The following COL22A1 variants were observed in gnomAD, a reference collection of about 807,000 sequenced individuals.
COL22A1 encodes collagen type XXII alpha 1 chain, also known as collagen alpha-1(XXII) chain.
Under a neutral mutation model 248.9 loss-of-function variants are expected in COL22A1, and 221 were observed. That is an observed-to-expected ratio of 0.89 (90% CI 0.80 to 0.99). The LOEUF (loss-of-function observed/expected upper bound fraction) is 0.99, where lower values mean the gene tolerates loss of function less well. Ranked by LOEUF, COL22A1 falls within the 50% of genes least tolerant of loss-of-function variation. The probability of loss-of-function intolerance (pLI) is 0.00; values close to 1 mark genes in which losing one functional copy is unlikely to be tolerated. For missense variants in COL22A1, 2,240 were observed against 2,179.0 expected, an observed-to-expected ratio of 1.03 and a Z score of -0.56; for synonymous variants, 891 against 793.4, an observed-to-expected ratio of 1.12 and a Z score of -2.07.
At position 138,736,663 on chromosome 8, in the gene COL22A1, C is replaced by A. The variant is rs374127985; in HGVS notation, c.2139+861G>T. ...CTGTGGAAGCAGAGCCAAGTATGGC[C>A]TGTGGGAGTTGGGCCAAGTATGAGG... On this transcript the variant is annotated intron_variant, in intron 23 of 64. Transcript: ENST00000303045. 3.3e-5 allele frequency among the ~76,000 whole-genome samples: 5 copies of A among 152,178 alleles called. No individual in the cohort carries two copies. The East Asian group carries it at 7.8e-4, about 24-fold the overall frequency.
At chr8:138,870,201 A>C (rs968904631) in intron 3 of COL22A1, among the ~76,000 whole-genome samples, 2 of 150,642 alleles carry the variant, frequency 1.3e-5, no homozygotes, top group Non-Finnish European at 3.0e-5. Context: ...TGGTGTGTGG[A>C]GCTGTGTACA....
At chr8:138,691,343 G>A (rs1270859998) in intron 35 of COL22A1, among the ~76,000 whole-genome samples, 1 of 150,700 alleles carries the variant, frequency 6.6e-6, no homozygotes. Context: ...GTGCATGCGT[G>A]TGTGCACGTT....
At chr8:138,733,712 A>C (rs530482298) in intron 23 of COL22A1, among the ~76,000 whole-genome samples, 4 of 152,184 alleles carry the variant, frequency 2.6e-5, no homozygotes, top group Non-Finnish European at 5.9e-5. Flanking sequence ...AGCTCAGCTC[A>C]GTGGATTCTC....
At chr8:138,816,941 C>G (rs150232284) in intron 7 of COL22A1, among the ~76,000 whole-genome samples, 1 of 152,298 alleles carries the variant, frequency 6.6e-6, no homozygotes, top group African/African-American at 2.4e-5. Flanking sequence ...TTCTCTATTG[C>G]CTCTAACCCA....
intron 32 of COL22A1, among the ~76,000 whole-genome samples, chr8:138,699,617 A>C (rs1381732160): frequency 9.3e-6 from 1 of 108,108 alleles, no homozygotes; most frequent in African/African-American, 3.5e-5. Context: ...GGAAGTAGCC[A>C]GCATCACTCT....
At chr8:138,805,615 G>A (rs1363633085) in intron 10 of COL22A1, among the ~76,000 whole-genome samples, 5 of 145,898 alleles carry the variant, frequency 3.4e-5, no homozygotes, top group Non-Finnish European at 7.4e-5. Context: ...GTGGGACGGT[G>A]TGTGAGGGTG....
intron 30 of COL22A1, among the ~76,000 whole-genome samples, chr8:138,710,850 T>A (rs1828905115): frequency 6.6e-6 from 1 of 152,166 alleles, no homozygotes; most frequent in South Asian, 2.1e-4. Flanking sequence ...ATTGTTGAAC[T>A]CAAGCTCCAG....
At chr8:138,669,201 G>A (rs1438012908) in intron 41 of COL22A1, among the ~76,000 whole-genome samples, 2 of 152,106 alleles carry the variant, frequency 1.3e-5, no homozygotes, top group Non-Finnish European at 2.9e-5. Context: ...ACAGACCAGA[G>A]GCCAGAGGCC....
chr8:138,643,701 A>AT (rs201041434), intron 47 of COL22A1, among the ~76,000 whole-genome samples: 1 of 147,960 alleles, frequency 6.8e-6, no homozygotes, highest in East Asian at 1.9e-4. Context: ...TTTTATATAT[A>AT]TTTTAAAAAA....
chr8:138,604,206 G>A (rs1321827336), intron 59 of COL22A1, among the ~76,000 whole-genome samples: 1 of 152,150 alleles, frequency 6.6e-6, no homozygotes, highest in Non-Finnish European at 1.5e-5. Flanking sequence ...TGGGACTGTG[G>A]CAGCCTGGAT....
intron 35 of COL22A1, 96 bp downstream of exon 35, chr8:138,693,550 G>T: frequency 7.6e-7 from 1 of 1,309,980 alleles, no homozygotes; most frequent in Non-Finnish European, 1.1e-6. Context: ...CGTCCTCCTA[G>T]CTAGCCCAGA....
intron 12 of COL22A1, among the ~76,000 whole-genome samples, chr8:138,782,242 A>T (rs1815078376): frequency 6.6e-6 from 1 of 151,864 alleles, no homozygotes. Context: ...TCTTTGAGAC[A>T]TGGTCTTGTT....
intron 3 of COL22A1, among the ~76,000 whole-genome samples, chr8:138,861,266 C>T (rs535127609): frequency 7.9e-4 from 121 of 152,314 alleles, no homozygotes; most frequent in African/African-American, 2.5e-3. Context: ...TCACCGCTTC[C>T]GGGCTCACAT....
chr8:138,656,646 T>C (rs1264941858), intron 44 of COL22A1, among the ~76,000 whole-genome samples: 2 of 151,856 alleles, frequency 1.3e-5, no homozygotes, highest in Admixed American at 6.6e-5. Flanking sequence ...GCAAGGAACA[T>C]AAGGCTAGGA....
At chr8:138,850,710 A>G (rs1821573123) in intron 3 of COL22A1, among the ~76,000 whole-genome samples, 1 of 152,200 alleles carries the variant, frequency 6.6e-6, no homozygotes, top group Non-Finnish European at 1.5e-5. Flanking sequence ...CTCGAGCTCC[A>G]AGGTTGATGG....
chr8:138,707,157 C>A (rs935508298), intron 30 of COL22A1, among the ~76,000 whole-genome samples: 3 of 152,164 alleles, frequency 2.0e-5, no homozygotes, highest in African/African-American at 2.4e-5. Flanking sequence ...AGCCTACCAA[C>A]CAAAAACAGT....
intron 18 of COL22A1, among the ~76,000 whole-genome samples, chr8:138,759,885 A>G (rs1833309204): frequency 6.6e-6 from 1 of 152,074 alleles, no homozygotes; most frequent in Admixed American, 6.6e-5. Flanking sequence ...TTTTTGTAAG[A>G]TTTTTTAATA....
chr8:138,864,987 C>A (rs1381157746), intron 3 of COL22A1, among the ~76,000 whole-genome samples: 1 of 152,334 alleles, frequency 6.6e-6, no homozygotes, highest in East Asian at 1.9e-4. Flanking sequence ...CTCTTATTAC[C>A]TTCCACCCCT....
intron 51 of COL22A1, among the ~76,000 whole-genome samples, chr8:138,625,768 T>G (rs1820187543): frequency 6.6e-6 from 1 of 152,240 alleles, no homozygotes; most frequent in Non-Finnish European, 1.5e-5. Context: ...TTGCGTCTAT[T>G]AAATGTAAAG....
Sources: gnomAD v4.1 joint callset for allele counts (sites outside exome capture counted in the v4.1 genomes callset) on GRCh38, gnomAD v4.1.1 for gene constraint, MANE v1.5 for transcripts, NCBI Gene and HGNC (gene_info 2026-07-23, HGNC 2026-07-21) for gene names.